LINGO2: variants seen among roughly 807,000 people sequenced by gnomAD.
LINGO2 encodes leucine-rich repeat and immunoglobulin-like domain-containing nogo receptor-interacting protein 2.
Under a neutral mutation model 30.6 loss-of-function variants are expected in LINGO2, and 14 were observed. The ratio of observed to expected loss-of-function variants is 0.46; its 90% confidence interval spans 0.30 to 0.72. The LOEUF (loss-of-function observed/expected upper bound fraction) is 0.72. Among genes scored for constraint, LINGO2 ranks in the 30% least tolerant of loss-of-function variants. LINGO2 has a pLI of 0.07. For missense variants in LINGO2, 729 were observed against 751.7 expected (o/e 0.97, Z 0.35); for synonymous variants, 317 against 288.5 (o/e 1.10, Z -1.00).
chr9:28,647,344 A>G (rs1212075874), intron 1 of LINGO2, among the ~76,000 whole-genome samples: 1 of 152,084 alleles, frequency 6.6e-6, no homozygotes, highest in Non-Finnish European at 1.5e-5. Flanking sequence ...CACTGAGTAA[A>G]ATAATATATC....
Position 28,428,516 on chromosome 9 carries a change from GA to G in LINGO2, c.-279+47423del, listed in dbSNP as rs373328848. On this transcript the variant is annotated intron_variant, in intron 2 of 5. Transcript: ENST00000379992. ...GTTCATCAGGATGGTTAATTGCTGAGAAAGTCATCTGATCAAAACAACCAGA... is the reference window on the plus strand; with the variant it reads ...GTTCATCAGGATGGTTAATTGCTGAGAAGTCATCTGATCAAAACAACCAGA... 4.2e-3 allele frequency among the ~76,000 whole-genome samples: 645 copies of G among 152,254 alleles called. 2 individuals are homozygous for G. The highest frequency in any genetic ancestry group is 7.0e-3 in the Non-Finnish European group (473 of 68,028).
In LINGO2 at chr9:28,312,155, C is replaced by CTTTT. The variant is rs72304845; in HGVS notation, c.-245-16793_-245-16790dup. ...AGATGTTTTAGATGTTTTCTTTTTT[C>CTTTT]TTTTTTTTGTATCCAGATACCAATA... On this transcript the variant is annotated intron_variant, in intron 3 of 5. Coordinates refer to ENST00000379992, the Ensembl canonical transcript of LINGO2. Among the ~76,000 whole-genome samples the CTTTT allele has an allele frequency of 3.5e-5, 5 of 143,232 alleles. 1 individual carries two copies. Among genetic ancestry groups the CTTTT allele is most frequent in the Non-Finnish European group, 4.6e-5 (3 of 65,882 alleles). The allele number at this position is 143,232 out of a possible 152,430, so 94.0% of individuals were successfully genotyped here.
intron 1 of LINGO2, among the ~76,000 whole-genome samples, chr9:28,659,846 T>C (rs1205252797): frequency 6.6e-6 from 1 of 152,096 alleles, no homozygotes; most frequent in Non-Finnish European, 1.5e-5. Flanking sequence ...TACAATCATA[T>C]ACTTAAAAAA....
the LINGO2 span, among the ~76,000 whole-genome samples, chr9:28,683,857 A>G: frequency 2.0e-5 from 3 of 152,158 alleles, no homozygotes; most frequent in Non-Finnish European, 4.4e-5. Flanking sequence ...GATGCTCATT[A>G]GATATTAATG....
At chr9:28,003,378 G>T (rs1009854096) in intron 5 of LINGO2, among the ~76,000 whole-genome samples, 9 of 139,660 alleles carry the variant, frequency 6.4e-5, no homozygotes, top group Middle Eastern at 3.5e-3. Flanking sequence ...TAGATAGATA[G>T]ATAGATATAG....
chr9:28,269,470 C>T (rs767073176), intron 4 of LINGO2, among the ~76,000 whole-genome samples: 7 of 152,020 alleles, frequency 4.6e-5, no homozygotes, highest in Admixed American at 2.0e-4. Flanking sequence ...ACATTATAAA[C>T]GATAACACAA....
chr9:27,987,337 G>A (rs924123442), intron 5 of LINGO2, among the ~76,000 whole-genome samples: 4 of 150,746 alleles, frequency 2.7e-5, no homozygotes, highest in African/African-American at 9.8e-5. Context: ...CTCCTTTCCT[G>A]AGACAGGTTC....
chr9:28,092,671 A>G (rs1826130995), intron 4 of LINGO2, among the ~76,000 whole-genome samples: 1 of 152,064 alleles, frequency 6.6e-6, no homozygotes, highest in Admixed American at 6.6e-5. Flanking sequence ...CGTTGTGCAC[A>G]TGTACCCTAG....
At chr9:29,202,746 C>CAGCT in the LINGO2 span, among the ~76,000 whole-genome samples, 1 of 151,964 alleles carries the variant, frequency 6.6e-6, no homozygotes, top group Non-Finnish European at 1.5e-5. Flanking sequence ...GTTTTTGGGT[C>CAGCT]AGCTAGTAAT....
chr9:28,071,512 G>C (rs534836284), intron 4 of LINGO2, among the ~76,000 whole-genome samples: 5 of 151,652 alleles, frequency 3.3e-5, no homozygotes, highest in Admixed American at 1.3e-4. Flanking sequence ...TTACCATTTT[G>C]TAAAGTTTTT....
chr9:29,096,903 T>A, the LINGO2 span, among the ~76,000 whole-genome samples: 1 of 139,292 alleles, frequency 7.2e-6, no homozygotes, highest in East Asian at 2.5e-4. Context: ...TTTTTTTATG[T>A]TAGTCACATA....
intron 3 of LINGO2, among the ~76,000 whole-genome samples, chr9:28,332,054 C>G (rs1312438497): frequency 6.6e-6 from 1 of 152,064 alleles, no homozygotes; most frequent in Non-Finnish European, 1.5e-5. Flanking sequence ...AATAAACTTA[C>G]GTTAACCTGA....
chr9:28,289,350 A>G (rs1823635793), intron 4 of LINGO2, among the ~76,000 whole-genome samples: 1 of 152,204 alleles, frequency 6.6e-6, no homozygotes, highest in Admixed American at 6.5e-5. Flanking sequence ...CTTCTAAATC[A>G]TATATTTGTA....
chr9:29,179,694 C>T, the LINGO2 span, among the ~76,000 whole-genome samples: 2 of 152,162 alleles, frequency 1.3e-5, no homozygotes, highest in African/African-American at 4.8e-5. Flanking sequence ...CGTGAGCCTC[C>T]GTGCCTGGCC....
chr9:28,962,700 T>G, the LINGO2 span, among the ~76,000 whole-genome samples: 4 of 151,762 alleles, frequency 2.6e-5, no homozygotes, highest in Non-Finnish European at 4.4e-5. Context: ...TTTACTACAT[T>G]TCATTTATCA....
chr9:28,045,608 A>G (rs1377858565), intron 4 of LINGO2, among the ~76,000 whole-genome samples: 1 of 152,202 alleles, frequency 6.6e-6, no homozygotes, highest in South Asian at 2.1e-4. Flanking sequence ...ATGGGAGCCT[A>G]GAGGATTTTC....
chr9:28,204,570 G>C (rs573461983), intron 4 of LINGO2, among the ~76,000 whole-genome samples: 1 of 152,100 alleles, frequency 6.6e-6, no homozygotes, highest in African/African-American at 2.4e-5. Context: ...GGCATATCTT[G>C]TATGTGCCTG....
At chr9:28,495,260 C>T (rs1172487208) in intron 1 of LINGO2, among the ~76,000 whole-genome samples, 1 of 152,096 alleles carries the variant, frequency 6.6e-6, no homozygotes, top group Non-Finnish European at 1.5e-5. Flanking sequence ...GTTGCCATTG[C>T]TTTTGGTGTT....
the LINGO2 span, among the ~76,000 whole-genome samples, chr9:28,896,336 C>G: frequency 6.6e-6 from 1 of 152,114 alleles, no homozygotes; most frequent in Non-Finnish European, 1.5e-5. Context: ...CCATTTGGTA[C>G]ATGCGGCTTT....
Sources: gnomAD v4.1 joint callset for allele counts (sites outside exome capture counted in the v4.1 genomes callset) on GRCh38, gnomAD v4.1.1 for gene constraint, MANE v1.5 for transcripts, NCBI Gene and HGNC (gene_info 2026-07-23, HGNC 2026-07-21) for gene names.